The following DHRS12 variants were observed in gnomAD, a reference collection of about 807,000 sequenced individuals.
DHRS12 encodes the protein dehydrogenase/reductase 12, also known as dehydrogenase/reductase SDR family member 12.
In DHRS12, 29 loss-of-function variants were observed where a neutral mutation model predicts 32.1. That is an observed-to-expected ratio of 0.90 (90% confidence interval 0.67 to 1.23). The LOEUF (loss-of-function observed/expected upper bound fraction) is 1.23. DHRS12 is among the 50% of genes most tolerant of loss of function. DHRS12 has a pLI of 0.00. For synonymous variants in DHRS12, 150 were observed against 135.9 expected, an observed-to-expected ratio of 1.10 and a Z score of -0.72; for missense variants, 330 against 337.2, an observed-to-expected ratio of 0.98 and a Z score of 0.17.
At chr13:51,777,227 G>A in intron 4 of DHRS12, 106 bp from the exon 5 acceptor site, 4 of 1,305,004 alleles carry the variant, frequency 3.1e-6, no homozygotes, top group Non-Finnish European at 4.4e-6. Flanking sequence ...CCCCCCACAA[G>A]AGGGCAAGTG....
At chr13:51,755,978 A>G in the DHRS12 span, among the ~76,000 whole-genome samples, 1 of 151,988 alleles carries the variant, frequency 6.6e-6, no homozygotes, top group African/African-American at 2.4e-5. Flanking sequence ...TCCTTCATCC[A>G]GCAGCATAAT....
rs868316852 is a variant in DHRS12 at position 51,790,056 on chromosome 13, GCT to G, written c.254_255del (p.Glu85AlafsTer7). 4 of 1,602,706 alleles carry G rather than the reference GCT, an allele frequency of 2.5e-6. No homozygotes were observed. The highest frequency in any genetic ancestry group is 3.4e-6 in the Non-Finnish European group (4 of 1,176,368). On this transcript the variant is annotated frameshift_variant, in exon 4 of 9. Coordinates refer to ENST00000444610, the MANE Select transcript of DHRS12 (RefSeq NM_001377533.1). LOFTEE classifies it high-confidence loss of function. The stretch of plus-strand genomic sequence containing the variant: ...TTTTTTTCAAGTCCATCTTCTGTGA[GCT>G]CTCTTTTATTGACCATGCAACCTGC... ...NNAGCMVNKR[E>X]LTEDGLEKNF...
chr13:51,756,305 A>G, the DHRS12 span: 1 of 1,602,472 alleles, frequency 6.2e-7, no homozygotes, highest in Non-Finnish European at 8.5e-7. Context: ...AGCCGTGATG[A>G]GTATCTATTT....
chr13:51,777,431 A>G lies in DHRS12; in HGVS notation c.302-310T>C, dbSNP rs767058695. ...ACTTTGCAGAAGAAAAAATGCATCT[A>G]TATGTCCAGTCTGTGCACAGAAAAA... On this transcript the variant is annotated intron_variant, in intron 4 of 8. Coordinates refer to ENST00000444610, the MANE Select transcript of DHRS12 (RefSeq NM_001377533.1). 68 of 391,316 alleles carry G rather than the reference A, an allele frequency of 1.7e-4. 1 individual carries two copies. The highest frequency in any genetic ancestry group is 2.8e-4 in the Non-Finnish European group (59 of 213,430). The allele number at this position is 391,316 out of a possible 1,614,324, so 24.2% of individuals were successfully genotyped here.
chr13:51,786,062 T>A (rs1394356930), intron 4 of DHRS12, among the ~76,000 whole-genome samples: 3 of 152,242 alleles, frequency 2.0e-5, no homozygotes, highest in African/African-American at 7.2e-5. Context: ...CAGCTCTCAC[T>A]AGTTACTGGG....
chr13:51,786,307 G>C (rs1288147195), intron 4 of DHRS12, among the ~76,000 whole-genome samples: 1 of 152,240 alleles, frequency 6.6e-6, no homozygotes, highest in Non-Finnish European at 1.5e-5. Context: ...GCGGGTGAGA[G>C]TTTTAATCTG....
In DHRS12 at chr13:51,771,882, C is replaced by T. The variant is rs1465429120; in HGVS notation, c.498G>A (p.Trp166Ter). 2 of 1,613,980 alleles carry T rather than the reference C, an allele frequency of 1.2e-6. No individual in the cohort carries two copies. ...KRQQVVLTER[W>*]AQGHPAIHFS... is the part of the protein sequence containing the mutation. ...AATGGATGGCCGGGTGCCCTTGGGC[C>T]CACCGCTCCGTCAGAACCACTTGCT... The change falls in exon 7 of 9, where the codon TGG becomes TGA. Residue 166 changes from tryptophan (W) to a stop codon, truncating the protein, a stop_gained. Coordinates refer to ENST00000444610, the MANE Select transcript of DHRS12 (RefSeq NM_001377533.1). LOFTEE classifies it high-confidence loss of function.
chr13:51,799,642 C>T lies in DHRS12; in HGVS notation c.18G>A (p.Lys6=). 1 of 1,614,098 alleles carries T rather than the reference C, an allele frequency of 6.2e-7. No homozygotes were observed. The highest frequency in any genetic ancestry group is 8.5e-7 in the Non-Finnish European group (1 of 1,180,024). The change falls in exon 2 of 9, where the codon AAG becomes AAA. Residue 6 remains lysine, a synonymous_variant. Coordinates refer to ENST00000444610, the MANE Select transcript of DHRS12 (RefSeq NM_001377533.1). MNLHV[K]TLSLMTWRSR... ...ACCTCCAAGTCATGAGGGACAAAGT[C>T]TTTACATGCAGATTCATAGCCACTC...
chr13:51,791,532 TGTTCTACATC>T (rs1955271180), intron 2 of DHRS12, among the ~76,000 whole-genome samples: 1 of 152,162 alleles, frequency 6.6e-6, no homozygotes, highest in Non-Finnish European at 1.5e-5. Flanking sequence ...GACTATGCAT[TGTTCTACATC>T]CGTGTTTTTC....
intron 1 of DHRS12, 78 bp from the exon 2 acceptor site, chr13:51,799,745 T>C (rs1955667229): frequency 1.3e-6 from 2 of 1,539,590 alleles, no homozygotes; most frequent in Non-Finnish European, 1.8e-6. Flanking sequence ...AGCCTAATTC[T>C]AGGATGGGCA....
chr13:51,771,417 A>C (rs142737331), intron 7 of DHRS12: 8 of 1,605,314 alleles, frequency 5.0e-6, no homozygotes, highest in Non-Finnish European at 6.8e-6. Flanking sequence ...TTCATGCATC[A>C]TTATTTCCAA....
chr13:51,802,169 T>TCACACACACACACA (rs56270918), intron 1 of DHRS12, among the ~76,000 whole-genome samples: 1 of 139,782 alleles, frequency 7.2e-6, no homozygotes, highest in Non-Finnish European at 1.5e-5. Flanking sequence ...TCTCTATTTT[T>TCACACACACACACA]CACACACACA....
At chr13:51,769,003 A>G in intron 8 of DHRS12, 153 bp downstream of exon 8, 2 of 1,428,996 alleles carry the variant, frequency 1.4e-6, no homozygotes, top group Non-Finnish European at 1.8e-6. Context: ...AACTAACCTC[A>G]GCAGGCAAAG....
At chr13:51,788,959 G>A (rs1284902517) in intron 4 of DHRS12, among the ~76,000 whole-genome samples, 1 of 152,120 alleles carries the variant, frequency 6.6e-6, no homozygotes. Context: ...GAAGAGAAGG[G>A]GAGTCCCCGG....
At position 51,769,235 on chromosome 13, in the gene DHRS12, C is replaced by T. The variant is rs1456501770; in HGVS notation, c.618G>A (p.Glu206=). Residue 206 remains glutamate (E), a synonymous_variant, in exon 8 of 9, where the codon GAG becomes GAA. Coordinates refer to ENST00000444610, the MANE Select transcript of DHRS12 (RefSeq NM_001377533.1). ...HARFGDRLRS[E]AQGADTMLWL... ...ACAGCATGGTGTCCGCGCCCTGGGC[C>T]TCGGAGCGCAGGCGGTCCCCGAACC... 6.3e-7 allele frequency: 1 copy of T among 1,588,734 alleles called. No homozygotes were observed. Among genetic ancestry groups the T allele is most frequent in the Non-Finnish European group, 8.6e-7 (1 of 1,168,758 alleles).
Position 51,795,660 on chromosome 13 carries a change from G to C in DHRS12, c.126+3874C>G, listed in dbSNP as rs1955482553. ...AACTACCACCAGCCCTAGGCTCAAGGAACAAAGGGAGAATGCAGTGTGGCC... is the reference window on the plus strand; with the variant it reads ...AACTACCACCAGCCCTAGGCTCAAGCAACAAAGGGAGAATGCAGTGTGGCC... On this transcript the variant is annotated intron_variant, in intron 2 of 8. Transcript: ENST00000444610. Among the ~76,000 whole-genome samples, 4 of 152,164 alleles carry C rather than the reference G, an allele frequency of 2.6e-5. No homozygotes were observed. The South Asian group carries it at 6.2e-4, about 24-fold the overall frequency.
At chr13:51,800,680 C>G (rs1955712887) in intron 1 of DHRS12, among the ~76,000 whole-genome samples, 2 of 152,234 alleles carry the variant, frequency 1.3e-5, no homozygotes, top group Admixed American at 1.3e-4. Context: ...CCTGGTACAG[C>G]ACAACTGCCA....
chr13:51,771,013 G>A (rs1953983890), intron 7 of DHRS12: 1 of 1,415,054 alleles, frequency 7.1e-7, no homozygotes, highest in Non-Finnish European at 9.2e-7. Context: ...GGCCATGCCA[G>A]CAGTGTGTGA....
chr13:51,797,873 G>A, intron 2 of DHRS12: 1 of 1,535,844 alleles, frequency 6.5e-7, no homozygotes, highest in Non-Finnish European at 8.7e-7. Flanking sequence ...TCTTCTGCTG[G>A]GGCTTGATCT....
Sources: allele counts gnomAD v4.1 joint callset (sites outside exome capture counted in the v4.1 genomes callset), GRCh38; gene constraint gnomAD v4.1.1; transcripts MANE v1.5; gene names NCBI Gene and HGNC (gene_info 2026-07-23, HGNC 2026-07-21).